MAIP1: variants seen among roughly 807,000 people sequenced by gnomAD.
MAIP1 encodes the protein matrix AAA peptidase interacting protein 1, also known as m-AAA protease-interacting protein 1, mitochondrial.
Under a neutral mutation model 31.2 loss-of-function variants are expected in MAIP1, and 28 were observed. The observed-to-expected ratio is 0.90, with a 90% CI of 0.67 to 1.23. The LOEUF (loss-of-function observed/expected upper bound fraction) is 1.23. Ranked by LOEUF, MAIP1 falls within the 50% of genes most tolerant of loss-of-function variation. The pLI, the probability that MAIP1 is intolerant of heterozygous loss-of-function variation, is 0.00. For synonymous variants in MAIP1, 142 were observed against 142.3 expected (o/e 1.00, Z 0.02); for missense variants, 339 against 356.0 (o/e 0.95, Z 0.38).
intron 4 of MAIP1, among the ~76,000 whole-genome samples, chr2:199,962,741 C>A (rs2077643151): frequency 6.6e-6 from 1 of 152,172 alleles, no homozygotes; most frequent in African/African-American, 2.4e-5. Context: ...TGCCCACATG[C>A]TCTGGTAGAG....
At chr2:199,962,592 T>G (rs536073837) in intron 4 of MAIP1, among the ~76,000 whole-genome samples, 30 of 152,276 alleles carry the variant, frequency 2.0e-4, no homozygotes, top group South Asian at 4.1e-4. Flanking sequence ...CCCCATTTTT[T>G]GGGGCAAAAA....
chr2:199,961,252 C>T (rs1404809751), intron 3 of MAIP1, among the ~76,000 whole-genome samples: 1 of 151,946 alleles, frequency 6.6e-6, no homozygotes, highest in East Asian at 1.9e-4. Flanking sequence ...CACTTGAGCT[C>T]AAGAGTTCAA....
chr2:199,961,706 G>A (rs994603666), intron 3 of MAIP1, 75 bp from the exon 4 acceptor site: 2 of 1,390,876 alleles, frequency 1.4e-6, no homozygotes, highest in South Asian at 2.8e-5. Flanking sequence ...GCCAATTTCT[G>A]ATTTCATTTT....
chr2:199,961,806 G>A lies in MAIP1; in HGVS notation c.675G>A (p.Met225Ile), dbSNP rs2077638322. Residue 225 changes from methionine (M) to isoleucine (I), a missense_variant, in exon 4 of 5, where the codon ATG (methionine) becomes ATA (isoleucine). Met to Ile is a conservative substitution (Grantham distance 10). Transcript: ENST00000392290. ...EKGRKFVNIL[M>I]CFWYLTSANI... is the part of the protein sequence containing the mutation. ...GAAGGAAGTTTGTTAACATCCTGAT[G>A]TGCTTTTGGTATCTAACCAGTGCCA... 5.0e-6 allele frequency: 8 copies of A among 1,613,684 alleles called. No homozygotes were observed. The highest frequency in any genetic ancestry group is 5.1e-6 in the Non-Finnish European group (6 of 1,179,826).
Position 199,955,622 on chromosome 2 carries a change from C to A in MAIP1, c.-177C>A. 1 of 1,198,924 alleles carries A rather than the reference C, an allele frequency of 8.3e-7. No individual in the cohort carries two copies. The highest frequency in any genetic ancestry group is 1.1e-6 in the Non-Finnish European group (1 of 870,526). The allele number at this position is 1,198,924 out of a possible 1,614,324, so 74.3% of individuals were successfully genotyped here. On this transcript the variant is annotated 5_prime_UTR_variant, in exon 1 of 5. Transcript: ENST00000392290. ...TGGGTCCGAGCGCGGGGCGGGTTGC[C>A]GAAGGGCCTCGGCCTGGGCTGCGTG... is the stretch of plus-strand genomic sequence containing the variant.
intron 3 of MAIP1, 91 bp from the exon 4 acceptor site, chr2:199,961,690 A>G (rs1285143261): frequency 4.9e-6 from 6 of 1,214,494 alleles, no homozygotes; most frequent in Non-Finnish European, 7.0e-6. Flanking sequence ...CAACTGTATA[A>G]CTGCTGCCAA....
Position 199,955,770 on chromosome 2 carries a change from G to A in MAIP1, c.-29G>A, listed in dbSNP as rs762497562. On this transcript the variant is annotated 5_prime_UTR_variant, in exon 1 of 5. Coordinates refer to ENST00000392290, the MANE Select transcript of MAIP1 (RefSeq NM_001394955.1). ...ACCGACTTCCTTTCCATACAGCACCGGCAGGCACCGGTGTGAAGGGTCATA... is the reference window on the plus strand; with the variant it reads ...ACCGACTTCCTTTCCATACAGCACCAGCAGGCACCGGTGTGAAGGGTCATA... 28 of 1,508,602 alleles carry A rather than the reference G, an allele frequency of 1.9e-5. No homozygotes were observed. The Admixed American group carries it at 5.9e-4, about 32-fold the overall frequency. The allele number at this position is 1,508,602 out of a possible 1,614,324, so 93.5% of individuals were successfully genotyped here.
chr2:199,956,620 G>A (rs771680379), intron 1 of MAIP1, among the ~76,000 whole-genome samples: 48 of 152,176 alleles, frequency 3.2e-4, no homozygotes, highest in Non-Finnish European at 2.1e-4. Flanking sequence ...TTACAAAGTG[G>A]GCAAGACAAT....
In MAIP1 at chr2:199,961,766, T is replaced by C. The variant is rs570892288; in HGVS notation, c.650-15T>C. ...TGATTTGTATTCGTATGTGTGTATA[T>C]GTTTTTTCTCTAAGGAAGGAAGTTT... On this transcript the variant is annotated splice_polypyrimidine_tract_variant and intron_variant, in intron 3 of 4. Transcript: ENST00000392290. 2.5e-6 allele frequency: 4 copies of C among 1,604,766 alleles called. No individual in the cohort carries two copies. The highest frequency in any genetic ancestry group is 3.4e-5 in the Admixed American group (2 of 58,434).
chr2:199,962,161 C>CA (rs1214448443), intron 4 of MAIP1, among the ~76,000 whole-genome samples: 1 of 152,216 alleles, frequency 6.6e-6, no homozygotes, highest in Admixed American at 6.5e-5. Context: ...TGCTGCTTAA[C>CA]AAACTACCCC....
At position 199,959,326 on chromosome 2, in the gene MAIP1, T is replaced by C. The variant is rs1320641047; in HGVS notation, c.509T>C (p.Leu170Pro). The change falls in exon 2 of 5, where the codon CTT becomes CCT. Residue 170 changes from leucine (L) to proline (P), a missense_variant. Transcript: ENST00000392290. ...TGTAAATTTGATCTGTTGGAAGAACTTGTGGCCAAAGAGGTAAAGTATATT... is the reference window on the plus strand; with the variant it reads ...TGTAAATTTGATCTGTTGGAAGAACCTGTGGCCAAAGAGGTAAAGTATATT... ...SQCKFDLLEELVAKEVLHALK... is the reference protein window; with the variant it reads ...SQCKFDLLEEPVAKEVLHALK... 1 of 1,580,924 alleles carries C rather than the reference T, an allele frequency of 6.3e-7. No homozygotes were observed. The highest frequency in any genetic ancestry group is 8.7e-7 in the Non-Finnish European group (1 of 1,150,022).
chr2:199,963,604 TTTTGA>T (rs1014017001), intron 4 of MAIP1, 124 bp from the exon 5 acceptor site: 7 of 492,466 alleles, frequency 1.4e-5, no homozygotes, highest in African/African-American at 9.9e-5. Flanking sequence ...TTTGTTTTGA[TTTTGA>T]TTTAATATTA....
rs771409548 is a variant in MAIP1 at position 199,955,861 on chromosome 2, C to T, written c.63C>T (p.Ala21=). Reference sequence around the variant, plus strand: ...ACTCTCGGTCGCTGCCCTGCGGGGCCGTCCGACTCCGGACTCCTGCTGTGG... The same window carrying T: ...ACTCTCGGTCGCTGCCCTGCGGGGCTGTCCGACTCCGGACTCCTGCTGTGG... ...FLHSRSLPCG[A]VRLRTPAVAE... is the part of the protein sequence containing the mutation. Residue 21 remains alanine (A), a synonymous_variant, in exon 1 of 5, where the codon GCC becomes GCT. Transcript: ENST00000392290. 6 of 1,530,824 alleles carry T rather than the reference C, an allele frequency of 3.9e-6. No individual in the cohort carries two copies. The highest frequency in any genetic ancestry group is 4.5e-5 in the East Asian group (2 of 44,222). 94.8% of individuals were successfully genotyped at this position (1,530,824 alleles called of 1,614,324 possible).
upstream of MAIP1, chr2:199,955,414 G>C: frequency 6.2e-7 from 1 of 1,613,864 alleles, no homozygotes; most frequent in South Asian, 1.1e-5. Context: ...GGTGCTGCAT[G>C]AACTGCTCCC....
chr2:199,960,657 T>C (rs1478233505), intron 3 of MAIP1, among the ~76,000 whole-genome samples: 1 of 152,228 alleles, frequency 6.6e-6, no homozygotes, highest in Non-Finnish European at 1.5e-5. Context: ...TGATTTAAAG[T>C]ATACTGGAGG....
At chr2:199,959,997 G>A in intron 3 of MAIP1, 117 bp downstream of exon 3, 4 of 944,380 alleles carry the variant, frequency 4.2e-6, no homozygotes, top group Non-Finnish European at 4.7e-6. Context: ...GAACTTCAAA[G>A]AAAATGTTAT....
In MAIP1 at chr2:199,959,269, C is replaced by T. The variant is rs765792359; in HGVS notation, c.452C>T (p.Ala151Val). Residue 151 changes from alanine (A) to valine (V), a missense_variant and splice_region_variant, in exon 2 of 5, where the codon GCT (alanine) becomes GTT (valine). By Grantham distance (64) the Ala-to-Val change is moderately conservative. Coordinates refer to ENST00000392290, the MANE Select transcript of MAIP1 (RefSeq NM_001394955.1). ...ITEFSEGAKQ[A>V]FAHVSKLLSQ... Reference sequence around the variant, plus strand: ...ACTTCCCTTAATATTTTTTTCAAGGCTTTTGCTCATGTATCCAAGTTGCTG... The same window carrying T: ...ACTTCCCTTAATATTTTTTTCAAGGTTTTTGCTCATGTATCCAAGTTGCTG... 1 of 1,553,764 alleles carries T rather than the reference C, an allele frequency of 6.4e-7. No homozygotes were observed. Among genetic ancestry groups the T allele is most frequent in the Non-Finnish European group, 8.9e-7 (1 of 1,126,676 alleles).
At chr2:199,955,391 A>C (rs776599948), upstream of MAIP1, 1 of 1,613,388 alleles carries the variant, frequency 6.2e-7, no homozygotes, top group East Asian at 2.2e-5. Flanking sequence ...CGAGGGCCTC[A>C]CCTGTGGGTA....
At chr2:199,956,288 A>G in intron 1 of MAIP1, 40 bp downstream of exon 1, 1 of 1,479,798 alleles carries the variant, frequency 6.8e-7, no homozygotes, top group South Asian at 1.2e-5. Flanking sequence ...GTCTCTAATG[A>G]GTTCAACTAT....
Sources: gnomAD v4.1 joint callset for allele counts (sites outside exome capture counted in the v4.1 genomes callset) on GRCh38, gnomAD v4.1.1 for gene constraint, MANE v1.5 for transcripts, NCBI Gene and HGNC (gene_info 2026-07-23, HGNC 2026-07-21) for gene names.